Variants in KAZN observed in about 807,000 individuals in gnomAD.
KAZN encodes kazrin.
A neutral mutation model predicts 87.4 loss-of-function variants in KAZN; 40 were observed. That is an observed-to-expected ratio of 0.46 (90% CI 0.36 to 0.60). The LOEUF (loss-of-function observed/expected upper bound fraction) is 0.60. KAZN is among the 20% of genes least tolerant of loss of function. The pLI, the probability that KAZN is intolerant of heterozygous loss-of-function variation, is 0.00. For missense variants in KAZN, 898 were observed against 1,073.9 expected (o/e 0.84, Z 2.29); for synonymous variants, 466 against 458.3 (o/e 1.02, Z -0.22).
At chr1:14,663,802 C>G (rs762798050) in intron 1 of KAZN, among the ~76,000 whole-genome samples, 26 of 152,124 alleles carry the variant, frequency 1.7e-4, no homozygotes, top group Non-Finnish European at 2.9e-4. Flanking sequence ...TATGATCCAG[C>G]AATTCTGCTT....
chr1:14,647,383 T>C (rs1270763129), intron 1 of KAZN, among the ~76,000 whole-genome samples: 1 of 152,196 alleles, frequency 6.6e-6, no homozygotes, highest in Non-Finnish European at 1.5e-5. Context: ...GTGGAGTAGT[T>C]CATATCTTTA....
intron 2 of KAZN, among the ~76,000 whole-genome samples, chr1:14,458,023 T>A (rs1010457384): frequency 7.2e-5 from 11 of 152,118 alleles, no homozygotes; most frequent in African/African-American, 2.7e-4. Flanking sequence ...ATGGTTTCAC[T>A]GCGTTAGCCA....
At chr1:14,932,512 G>A (rs1354885153) in intron 1 of KAZN, among the ~76,000 whole-genome samples, 2 of 152,190 alleles carry the variant, frequency 1.3e-5, no homozygotes, top group African/African-American at 2.4e-5. Flanking sequence ...CAGCTAGTAC[G>A]ACTGAAGAAC....
intron 2 of KAZN, among the ~76,000 whole-genome samples, chr1:15,029,481 C>T (rs1265335536): frequency 1.3e-5 from 2 of 152,180 alleles, no homozygotes; most frequent in East Asian, 3.8e-4. Flanking sequence ...GGAGGCAGCC[C>T]ACACGTTGCA....
intron 1 of KAZN, among the ~76,000 whole-genome samples, chr1:14,088,351 T>A (rs1301654240): frequency 6.6e-6 from 1 of 152,036 alleles, no homozygotes; most frequent in African/African-American, 2.4e-5. Flanking sequence ...TCTCACTTAA[T>A]TAAAAATATT....
intron 2 of KAZN, among the ~76,000 whole-genome samples, chr1:15,003,765 C>G (rs1177274516): frequency 6.6e-6 from 1 of 152,082 alleles, no homozygotes; most frequent in African/African-American, 2.4e-5. Context: ...AACCTCTTAC[C>G]CCCACTCCCT....
chr1:14,069,486 G>A (rs1643157296), intron 1 of KAZN, among the ~76,000 whole-genome samples: 1 of 152,152 alleles, frequency 6.6e-6, no homozygotes, highest in Admixed American at 6.5e-5. Flanking sequence ...AAACCCCCAT[G>A]TAATTACAAA....
chr1:14,078,095 G>A (rs1173414384), intron 1 of KAZN, among the ~76,000 whole-genome samples: 1 of 152,214 alleles, frequency 6.6e-6, no homozygotes, highest in East Asian at 1.9e-4. Flanking sequence ...TGATCGTTAA[G>A]GGGTTCATGT....
At chr1:14,585,942 C>T (rs377145027) in intron 2 of KAZN, among the ~76,000 whole-genome samples, 1 of 152,182 alleles carries the variant, frequency 6.6e-6, no homozygotes, top group Non-Finnish European at 1.5e-5. Context: ...CACGCCATCT[C>T]GAGGCAGCAG....
At chr1:14,410,133 T>G (rs1664189159) in intron 2 of KAZN, among the ~76,000 whole-genome samples, 2 of 152,250 alleles carry the variant, frequency 1.3e-5, no homozygotes, top group African/African-American at 4.8e-5. Context: ...AGAGAGGGTC[T>G]TGCTCTGTCA....
intron 2 of KAZN, among the ~76,000 whole-genome samples, chr1:14,563,753 CCATTGA>C (rs1674383817): frequency 6.6e-6 from 1 of 152,106 alleles, no homozygotes; most frequent in Non-Finnish European, 1.5e-5. Context: ...CACTTCTTAC[CCATTGA>C]CTGCAATAGC....
intron 1 of KAZN, among the ~76,000 whole-genome samples, chr1:14,941,326 A>G (rs374765385): frequency 5.0e-4 from 76 of 152,312 alleles, no homozygotes; most frequent in Middle Eastern, 3.4e-3. Flanking sequence ...TTTGGGGTCC[A>G]TGAGTGGCGT....
intron 1 of KAZN, among the ~76,000 whole-genome samples, chr1:14,052,914 A>G (rs879692450): frequency 2.0e-5 from 3 of 152,080 alleles, no homozygotes; most frequent in Non-Finnish European, 2.9e-5. Context: ...TGGAATGCCC[A>G]TGGGGTTGAT....
chr1:14,652,969 T>G (rs1298154532), intron 1 of KAZN, among the ~76,000 whole-genome samples: 7 of 152,056 alleles, frequency 4.6e-5, no homozygotes, highest in Admixed American at 4.6e-4. Context: ...CCAAGAAAGC[T>G]GGCCTAAATG....
At chr1:14,323,524 A>G (rs1162858814) in intron 2 of KAZN, among the ~76,000 whole-genome samples, 1 of 152,160 alleles carries the variant, frequency 6.6e-6, no homozygotes, top group African/African-American at 2.4e-5. Context: ...ATCTGGATCC[A>G]GAACTAGAAC....
chr1:14,150,372 A>G (rs892532390), intron 1 of KAZN, among the ~76,000 whole-genome samples: 7 of 152,168 alleles, frequency 4.6e-5, no homozygotes, highest in African/African-American at 1.7e-4. Context: ...ATACCCCTTT[A>G]TGGTAGAAGG....
intron 2 of KAZN, among the ~76,000 whole-genome samples, chr1:14,419,076 G>GT (rs1246466729): frequency 2.6e-5 from 4 of 152,116 alleles, no homozygotes; most frequent in African/African-American, 4.8e-5. Context: ...TATGTGAGCC[G>GT]TATTGAGCAT....
intron 1 of KAZN, among the ~76,000 whole-genome samples, chr1:14,636,893 C>T (rs1680031358): frequency 1.3e-5 from 2 of 152,204 alleles, no homozygotes; most frequent in Admixed American, 6.5e-5. Context: ...TGATCTTACC[C>T]TCCTGCTCCA....
intron 1 of KAZN, among the ~76,000 whole-genome samples, chr1:14,865,541 C>T (rs1651351546): frequency 6.6e-6 from 1 of 152,090 alleles, no homozygotes; most frequent in Non-Finnish European, 1.5e-5. Flanking sequence ...CAGAAAACAC[C>T]CTTCTTCTTG....
Sources: allele counts gnomAD v4.1 joint callset (sites outside exome capture counted in the v4.1 genomes callset), GRCh38; gene constraint gnomAD v4.1.1; transcripts MANE v1.5; gene names NCBI Gene and HGNC (gene_info 2026-07-23, HGNC 2026-07-21).